PCM1: variants seen among roughly 807,000 people sequenced by gnomAD.
PCM1 encodes the protein pericentriolar material 1.
In PCM1, 157 loss-of-function variants were observed where a neutral mutation model predicts 241.9. That is an observed-to-expected ratio of 0.65 (90% CI 0.57 to 0.74). The LOEUF (loss-of-function observed/expected upper bound fraction) is 0.74. Among genes scored for constraint, PCM1 ranks in the 30% least tolerant of loss-of-function variants. The pLI, the probability that PCM1 is intolerant of heterozygous loss-of-function variation, is 0.00. For synonymous variants in PCM1, 1,085 were observed against 784.9 expected (o/e 1.38, Z -6.39); for missense variants, 3,478 against 2,360.1 (o/e 1.47, Z -9.81).
intron 24 of PCM1, among the ~76,000 whole-genome samples, chr8:17,984,235 G>C (rs1486967201): frequency 6.6e-6 from 1 of 151,944 alleles, no homozygotes; most frequent in Non-Finnish European, 1.5e-5. Context: ...GCTTTGAAAT[G>C]AATTTTTTAA....
chr8:17,988,299 G>C (rs1002773862), intron 26 of PCM1, among the ~76,000 whole-genome samples: 2 of 151,734 alleles, frequency 1.3e-5, no homozygotes, highest in East Asian at 3.9e-4. Context: ...ATTGAAGATA[G>C]GAAACTTTAA....
At chr8:17,980,533 T>A (rs1308802802) in intron 23 of PCM1, 58 bp from the exon 24 acceptor site, 2 of 1,433,508 alleles carry the variant, frequency 1.4e-6, no homozygotes, top group Non-Finnish European at 1.9e-6. Context: ...GGAAACCGAT[T>A]TCCCTTTTAG....
intron 23 of PCM1, among the ~76,000 whole-genome samples, chr8:17,979,692 G>C (rs1008445919): frequency 1.3e-5 from 2 of 152,106 alleles, no homozygotes; most frequent in Non-Finnish European, 2.9e-5. Context: ...GGAAAAGATG[G>C]AAATGCATAA....
chr8:17,927,523 A>G (rs180809855), intron 2 of PCM1: 1 of 152,230 alleles, frequency 6.6e-6, no homozygotes, highest in East Asian at 1.9e-4. Context: ...ATTCTACTGT[A>G]ATATGTCTCT....
chr8:17,983,636 G>GT (rs2081672798), intron 24 of PCM1, among the ~76,000 whole-genome samples: 1 of 152,064 alleles, frequency 6.6e-6, no homozygotes, highest in Non-Finnish European at 1.5e-5. Context: ...TACTTTTATA[G>GT]TTTATCTTTC....
chr8:17,924,907 G>T (rs1479897593), intron 2 of PCM1, 127 bp downstream of exon 2: 1 of 152,140 alleles, frequency 6.6e-6, no homozygotes. Flanking sequence ...AAACTTTCTG[G>T]GTTCACCGCC....
chr8:18,013,684 T>TAA (rs1052383008), intron 34 of PCM1: 1 of 279,784 alleles, frequency 3.6e-6, no homozygotes. Context: ...TTGTCTGCAT[T>TAA]AAGTGTCTTT....
At chr8:17,968,762 G>GTGTGTGTGTGTGTATATA (rs373502456) in intron 21 of PCM1, among the ~76,000 whole-genome samples, 62 of 136,770 alleles carry the variant, frequency 4.5e-4, no homozygotes, top group African/African-American at 1.7e-3. Context: ...GTGTGTGTGT[G>GTGTGTGTGTGTGTATATA]TATATATATA....
At chr8:18,013,235 A>G (rs919973267) in intron 34 of PCM1, among the ~76,000 whole-genome samples, 1 of 152,146 alleles carries the variant, frequency 6.6e-6, no homozygotes, top group Admixed American at 6.5e-5. Flanking sequence ...ACCGTTATAC[A>G]GGCATGCACT....
intron 6 of PCM1, among the ~76,000 whole-genome samples, chr8:17,942,255 T>A (rs1177556221): frequency 6.6e-6 from 1 of 152,098 alleles, no homozygotes; most frequent in Non-Finnish European, 1.5e-5. Flanking sequence ...TCACCTGAGG[T>A]CAGGGGTTTG....
At chr8:17,950,754 T>A (rs770549578) in intron 8 of PCM1, 30 bp downstream of exon 8, 3 of 1,197,930 alleles carry the variant, frequency 2.5e-6, no homozygotes. Flanking sequence ...ATAGTTGAGT[T>A]TAAAAAATCA....
At chr8:17,924,204 C>G (rs1307413828) in intron 1 of PCM1, among the ~76,000 whole-genome samples, 1 of 152,182 alleles carries the variant, frequency 6.6e-6, no homozygotes, top group Non-Finnish European at 1.5e-5. Context: ...CTTTCTTTCC[C>G]TAGCACCTTC....
chr8:17,961,810 G>A (rs950440816), intron 15 of PCM1, among the ~76,000 whole-genome samples: 1 of 152,022 alleles, frequency 6.6e-6, no homozygotes, highest in Non-Finnish European at 1.5e-5. Context: ...TTTTATCCCT[G>A]TTGTTTCTGT....
At position 17,938,720 on chromosome 8, in the gene PCM1, G is replaced by C. The variant is rs754672695; in HGVS notation, c.343-20G>C. ...CATAAGGTTAATGTTTGTGTGATTT[G>C]ATTTCTTTTTCATATATAGAGAAGC... On this transcript the variant is annotated intron_variant, in intron 4 of 38. Coordinates refer to ENST00000325083, the MANE Select transcript of PCM1 (RefSeq NM_006197.4). 6.3e-7 allele frequency: 1 copy of C among 1,589,950 alleles called. No homozygotes were observed. Among genetic ancestry groups the C allele is most frequent in the Non-Finnish European group, 8.6e-7 (1 of 1,160,792 alleles).
At chr8:17,992,010 A>C (rs2084830138) in intron 28 of PCM1, among the ~76,000 whole-genome samples, 1 of 152,224 alleles carries the variant, frequency 6.6e-6, no homozygotes, top group Admixed American at 6.5e-5. Flanking sequence ...AACTCTACCC[A>C]GATGGCTGCA....
At chr8:17,976,232 G>C (rs1326490529) in intron 23 of PCM1, among the ~76,000 whole-genome samples, 2 of 152,186 alleles carry the variant, frequency 1.3e-5, no homozygotes, top group Non-Finnish European at 2.9e-5. Context: ...AGAGAAAAAA[G>C]TAGTCCAAGG....
Position 17,962,066 on chromosome 8 carries a change from C to T in PCM1, c.2355C>T (p.Thr785=). ...LSAASVGNCP[T]KKYMPAVTST... ...CTGCTAGTGTGGGTAACTGTCCCAC[C>T]AAAAAATATATGCCAGCTGTTACTT... The change falls in exon 16 of 39, where the codon ACC becomes ACT. Residue 785 remains threonine, a synonymous_variant. Transcript: ENST00000325083. The T allele has an allele frequency of 6.2e-7, 1 of 1,610,280 alleles. No homozygotes were observed. Among genetic ancestry groups the T allele is most frequent in the Non-Finnish European group, 8.5e-7 (1 of 1,177,740 alleles).
chr8:17,960,670 A>G (rs1040417856), intron 15 of PCM1, among the ~76,000 whole-genome samples: 3 of 150,916 alleles, frequency 2.0e-5, no homozygotes, highest in African/African-American at 7.3e-5. Context: ...GACTTCAGGC[A>G]CCCGCCACCA....
At position 17,930,875 on chromosome 8, in the gene PCM1, G is replaced by T. The variant is rs547606998; in HGVS notation, c.-22-4714G>T. On this transcript the variant is annotated intron_variant, in intron 2 of 38. Coordinates refer to ENST00000325083, the MANE Select transcript of PCM1 (RefSeq NM_006197.4). ...AGCCTGGGTGACAGAGCAAGACTCT[G>T]TCTCCAAAAAAAAAAAAGAATTCAT... is the stretch of plus-strand genomic sequence containing the variant. Among the ~76,000 whole-genome samples, 3 of 148,986 alleles carry T rather than the reference G, an allele frequency of 2.0e-5. No individual in the cohort carries two copies. The East Asian group carries it at 6.0e-4, about 30-fold the overall frequency.
Sources: gnomAD v4.1 joint callset for allele counts (sites outside exome capture counted in the v4.1 genomes callset) on GRCh38, gnomAD v4.1.1 for gene constraint, MANE v1.5 for transcripts, NCBI Gene and HGNC (gene_info 2026-07-23, HGNC 2026-07-21) for gene names.